LRIG3: variants seen among roughly 807,000 people sequenced by gnomAD.
The protein encoded by LRIG3 is leucine-rich repeats and immunoglobulin-like domains protein 3.
A neutral mutation model predicts 114.5 loss-of-function variants in LRIG3; 76 were observed. The ratio of observed to expected loss-of-function variants is 0.66; its 90% CI spans 0.55 to 0.80. LRIG3 has a LOEUF of 0.80. LRIG3 is among the 30% of genes least tolerant of loss of function. LRIG3 has a pLI of 0.00. For synonymous variants in LRIG3, 512 were observed against 519.8 expected (o/e 0.98, Z 0.20); for missense variants, 1,239 against 1,382.8 (o/e 0.90, Z 1.65).
intron 3 of LRIG3, among the ~76,000 whole-genome samples, chr12:58,897,267 C>T (rs17121696): frequency 0.025 from 3,857 of 152,232 alleles, 130 homozygotes; most frequent in East Asian, 0.098. Flanking sequence ...AACCAGCAAA[C>T]GAGTGTTGGT....
intron 11 of LRIG3, 86 bp downstream of exon 11, chr12:58,883,434 T>C: frequency 2.2e-6 from 2 of 927,540 alleles, no homozygotes; most frequent in Non-Finnish European, 3.1e-6. Flanking sequence ...AGGCACTTTT[T>C]ATAGATACAT....
rs192995229 is a variant in LRIG3 at position 58,894,287 on chromosome 12, G to A, written c.384-3491C>T. ...CCTAGCACAAAAATCCCTTACAACT[G>A]TGAGAATAATAGTCCTTGTATCACA... On this transcript the variant is annotated intron_variant, in intron 3 of 18. Coordinates refer to ENST00000320743, the MANE Select transcript of LRIG3 (RefSeq NM_153377.5). Among the ~76,000 whole-genome samples the A allele has an allele frequency of 1.4e-3, 208 of 152,280 alleles. 1 individual carries two copies. The highest frequency in any genetic ancestry group is 4.6e-3 in the African/African-American group (192 of 41,562).
intron 3 of LRIG3, among the ~76,000 whole-genome samples, chr12:58,893,740 G>T (rs1235923827): frequency 1.3e-5 from 2 of 152,136 alleles, no homozygotes; most frequent in Non-Finnish European, 2.9e-5. Context: ...TAATCCAAAT[G>T]TTTGCATTAC....
Position 58,914,006 on chromosome 12 carries a change from G to A in LRIG3, c.359C>T (p.Ser120Leu), listed in dbSNP as rs1454191094. ...CAAGGAGAGAAGTGTAATATTTGCC[G>A]AGACTGGTCCCAGATTTGGAATGGT... ...LETIPNLGPV[S>L]ANITLLSLAG... Residue 120 changes from serine (S) to leucine (L), a missense_variant, in exon 3 of 19, where the codon TCG becomes TTG. Physicochemically the swap from Ser to Leu is moderately radical, Grantham distance 145 (BLOSUM62 -2). Coordinates refer to ENST00000320743, the MANE Select transcript of LRIG3 (RefSeq NM_153377.5). 3.1e-6 allele frequency: 5 copies of A among 1,612,062 alleles called. No homozygotes were observed. Among genetic ancestry groups the A allele is most frequent in the African/African-American group, 1.3e-5 (1 of 74,832 alleles).
At chr12:58,894,658 TAA>T (rs941153033) in intron 3 of LRIG3, among the ~76,000 whole-genome samples, 3 of 152,212 alleles carry the variant, frequency 2.0e-5, no homozygotes, top group African/African-American at 7.2e-5. Flanking sequence ...ATCAACACAT[TAA>T]AAAGCGCTGT....
At position 58,890,660 on chromosome 12, in the gene LRIG3, C is replaced by G. The variant is rs761844719; in HGVS notation, c.515+5G>C. Reference sequence around the variant, plus strand: ...AAAGTTTTTGCTAAAGAAAACTTCACTTACAGATATTTGAGCTGTAGGGCT... The same window carrying G: ...AAAGTTTTTGCTAAAGAAAACTTCAGTTACAGATATTTGAGCTGTAGGGCT... On this transcript the variant is annotated splice_donor_5th_base_variant and intron_variant, in intron 4 of 18. Coordinates refer to ENST00000320743, the MANE Select transcript of LRIG3 (RefSeq NM_153377.5). The G allele has an allele frequency of 6.4e-7, 1 of 1,562,970 alleles. No individual in the cohort carries two copies. The highest frequency in any genetic ancestry group is 8.6e-7 in the Non-Finnish European group (1 of 1,158,726).
At position 58,889,991 on chromosome 12, in the gene LRIG3, C is replaced by T; in HGVS notation, c.659+5G>A. 6.2e-7 allele frequency: 1 copy of T among 1,613,166 alleles called. No individual in the cohort carries two copies. ...AAACAGTATCTAAGAGGACATTTTA[C>T]TTACAGATGTTGCAGTTGGGGCAGT... On this transcript the variant is annotated splice_donor_5th_base_variant and intron_variant, in intron 5 of 18. Coordinates refer to ENST00000320743, the MANE Select transcript of LRIG3 (RefSeq NM_153377.5).
At chr12:58,891,068 T>C (rs13377741) in intron 3 of LRIG3, among the ~76,000 whole-genome samples, 14,579 of 152,028 alleles carry the variant, frequency 0.096, 1,802 homozygotes, top group African/African-American at 0.28. Flanking sequence ...TTAAAGACAG[T>C]GGTTTGATTT....
At chr12:58,913,752 C>T (rs369223884) in intron 3 of LRIG3, 31 of 463,990 alleles carry the variant, frequency 6.7e-5, no homozygotes, top group Non-Finnish European at 1.1e-4. Flanking sequence ...AAGACCAGTT[C>T]GGCAACAACA....
Position 58,890,816 on chromosome 12 carries a change from C to T in LRIG3, c.384-20G>A, listed in dbSNP as rs1243933066. On this transcript the variant is annotated intron_variant, in intron 3 of 18. Transcript: ENST00000320743. ...CCAGCCCTAGAATTAAAAGAAACCACAGTTAACAAGGTTAACGGTACAACA... is the reference window on the plus strand; with the variant it reads ...CCAGCCCTAGAATTAAAAGAAACCATAGTTAACAAGGTTAACGGTACAACA... The T allele has an allele frequency of 1.3e-6, 2 of 1,593,738 alleles. No homozygotes were observed. Among genetic ancestry groups the T allele is most frequent in the Non-Finnish European group, 1.7e-6 (2 of 1,173,086 alleles).
intron 3 of LRIG3, among the ~76,000 whole-genome samples, chr12:58,895,843 C>T (rs907285160): frequency 9.2e-5 from 14 of 152,220 alleles, no homozygotes; most frequent in African/African-American, 3.1e-4. Flanking sequence ...ACTTGGGGGG[C>T]GAAACATCAC....
At chr12:58,903,534 T>C (rs1033131467) in intron 3 of LRIG3, among the ~76,000 whole-genome samples, 7 of 152,150 alleles carry the variant, frequency 4.6e-5, no homozygotes, top group African/African-American at 7.2e-5. Context: ...ACTCTGATGG[T>C]AGTTTCTTTT....
chr12:58,919,950 T>C (rs1872608690), intron 1 of LRIG3, 50 bp downstream of exon 1: 1 of 1,516,194 alleles, frequency 6.6e-7, no homozygotes. Flanking sequence ...TCCTGTTTTC[T>C]CGAATCTCCA....
At chr12:58,888,650 C>A (rs928804301) in intron 6 of LRIG3, among the ~76,000 whole-genome samples, 169 bp downstream of exon 6, 3 of 152,128 alleles carry the variant, frequency 2.0e-5, no homozygotes, top group Admixed American at 6.6e-5. Context: ...AATTTAGGTA[C>A]TTATAAATTA....
intron 5 of LRIG3, 64 bp from the exon 6 acceptor site, chr12:58,889,026 G>A (rs977461874): frequency 2.0e-5 from 29 of 1,470,950 alleles, no homozygotes; most frequent in Non-Finnish European, 2.7e-5. Context: ...GTAATAAAAT[G>A]TGTCATTACT....
chr12:58,914,003 G>T lies in LRIG3; in HGVS notation c.362C>A (p.Ala121Glu). The T allele has an allele frequency of 6.2e-7, 1 of 1,612,310 alleles. No individual in the cohort carries two copies. Among genetic ancestry groups the T allele is most frequent in the African/African-American group, 1.3e-5 (1 of 74,920 alleles). Residue 121 changes from alanine (A) to glutamate (E), a missense_variant, in exon 3 of 19, where the codon GCA becomes GAA. Ala to Glu is a moderately radical substitution (Grantham distance 107). Coordinates refer to ENST00000320743, the MANE Select transcript of LRIG3 (RefSeq NM_153377.5). ...TTACAAGGAGAGAAGTGTAATATTTGCCGAGACTGGTCCCAGATTTGGAAT... is the reference window on the plus strand; with the variant it reads ...TTACAAGGAGAGAAGTGTAATATTTTCCGAGACTGGTCCCAGATTTGGAAT... The part of the protein sequence containing the change: ...ETIPNLGPVS[A>E]NITLLSLAGN...
intron 1 of LRIG3, among the ~76,000 whole-genome samples, chr12:58,916,249 G>T (rs1269952757): frequency 6.6e-6 from 1 of 152,084 alleles, no homozygotes; most frequent in African/African-American, 2.4e-5. Flanking sequence ...TGCACATGCT[G>T]GGGACCCCTC....
chr12:58,874,582 C>T lies in LRIG3; in HGVS notation c.2696-9G>A. The T allele has an allele frequency of 6.2e-7, 1 of 1,612,336 alleles. No homozygotes were observed. The highest frequency in any genetic ancestry group is 8.5e-7 in the Non-Finnish European group (1 of 1,179,380). ...GTCAATATGGCAGGTCCCTTTGAAA[C>T]AAAAATCTTAGTCAATGATCCAATT... On this transcript the variant is annotated splice_polypyrimidine_tract_variant and intron_variant, in intron 16 of 18. Coordinates refer to ENST00000320743, the MANE Select transcript of LRIG3 (RefSeq NM_153377.5).
intron 18 of LRIG3, 32 bp downstream of exon 18, chr12:58,874,023 A>C: frequency 1.2e-6 from 2 of 1,611,000 alleles, no homozygotes; most frequent in Non-Finnish European, 1.7e-6. Context: ...ATGGATCCTC[A>C]GACGAGGTAC....
Sources: gnomAD v4.1 joint callset for allele counts (sites outside exome capture counted in the v4.1 genomes callset) on GRCh38, gnomAD v4.1.1 for gene constraint, MANE v1.5 for transcripts, NCBI Gene and HGNC (gene_info 2026-07-23, HGNC 2026-07-21) for gene names.